Variants in MED27 observed in about 807,000 individuals in gnomAD.
MED27 encodes mediator of RNA polymerase II transcription subunit 27.
A neutral mutation model predicts 38.2 loss-of-function variants in MED27; 30 were observed. The ratio of observed to expected loss-of-function variants is 0.79; its 90% CI spans 0.59 to 1.07. The LOEUF (loss-of-function observed/expected upper bound fraction) is 1.07. MED27 is among the 50% of genes least tolerant of loss of function. The pLI, the probability that MED27 is intolerant of heterozygous loss-of-function variation, is 0.00. For missense variants in MED27, 289 were observed against 397.5 expected (o/e 0.73, Z 2.32); for synonymous variants, 122 against 153.5 (o/e 0.79, Z 1.52).
rs145625709 is a variant in MED27 at position 131,860,863 on chromosome 9, C to T, written c.802-191G>A. Among the ~76,000 whole-genome samples the T allele has an allele frequency of 1.7e-3, 253 of 152,214 alleles. No individual in the cohort carries two copies. Among genetic ancestry groups the T allele is most frequent in the Middle Eastern group, 3.4e-3 (1 of 294 alleles). On this transcript the variant is annotated intron_variant, in intron 7 of 7. Coordinates refer to ENST00000292035, the MANE Select transcript of MED27 (RefSeq NM_004269.4). The surrounding 1 kb of genome is among the most constrained non-coding windows in gnomAD (Gnocchi z 5.8). ...ACTGCTGATGTTCACGTCTGATGCT[C>T]GCGTGCCCCTCCTAACCGAAGGAGT...
At chr9:131,974,701 C>T (rs1831566429) in intron 3 of MED27, among the ~76,000 whole-genome samples, 1 of 152,192 alleles carries the variant, frequency 6.6e-6, no homozygotes, top group Non-Finnish European at 1.5e-5. Context: ...AAATGTGGAA[C>T]ACGGGAGAGA....
chr9:131,918,009 C>T (rs899756171), intron 4 of MED27, among the ~76,000 whole-genome samples: 1 of 152,244 alleles, frequency 6.6e-6, no homozygotes, highest in African/African-American at 2.4e-5. Flanking sequence ...TAATTTCATA[C>T]ATTCAAAATA....
At chr9:132,055,510 C>T (rs1260927949) in intron 2 of MED27, among the ~76,000 whole-genome samples, 3 of 152,146 alleles carry the variant, frequency 2.0e-5, no homozygotes, top group Admixed American at 2.0e-4. Flanking sequence ...TTAATATTTA[C>T]AAGATCAAAC....
In MED27 at chr9:132,079,716, C is replaced by A; in HGVS notation, c.129G>T (p.Glu43Asp). ...DCLKDGMRNK[E>D]TLEGREKAFI... is the part of the protein sequence containing the mutation. Reference sequence around the variant, plus strand: ...AGGCCTTCTCCCGGCCCTCCAGCGTCTCCTTGTTCCGCATCCCATCCTTCA... The same window carrying A: ...AGGCCTTCTCCCGGCCCTCCAGCGTATCCTTGTTCCGCATCCCATCCTTCA... Residue 43 changes from glutamate (E) to aspartate (D), a missense_variant, in exon 1 of 8, where the codon GAG (glutamate) becomes GAT (aspartate). Transcript: ENST00000292035. 1 of 1,613,910 alleles carries A rather than the reference C, an allele frequency of 6.2e-7. No individual in the cohort carries two copies. The highest frequency in any genetic ancestry group is 8.5e-7 in the Non-Finnish European group (1 of 1,179,942).
rs188175796 is a variant in MED27, at chr9:131,869,204, C to T, written c.724-6064G>A. 4.1e-6 allele frequency: 4 copies of T among 985,446 alleles called. No individual in the cohort carries two copies. The East Asian group carries it at 4.5e-4, about 112-fold the overall frequency. 61.0% of individuals were successfully genotyped at this position (985,446 alleles called of 1,614,324 possible). A position where few individuals can be genotyped will look rare whatever the true frequency, so the allele number is the denominator to read the frequency against. On this transcript the variant is annotated intron_variant, in intron 6 of 7. Coordinates refer to ENST00000292035, the MANE Select transcript of MED27 (RefSeq NM_004269.4). Reference sequence around the variant, plus strand: ...CTCGCCATGTTTTCCCTCCTGTCCTCCCCAAGTCCTCCACTGCTGGTTTTG... The same window carrying T: ...CTCGCCATGTTTTCCCTCCTGTCCTTCCCAAGTCCTCCACTGCTGGTTTTG...
At chr9:131,973,141 TTTC>T in intron 3 of MED27, among the ~76,000 whole-genome samples, 1 of 152,354 alleles carries the variant, frequency 6.6e-6, no homozygotes, top group East Asian at 1.9e-4. Context: ...AGTACACTTT[TTTC>T]TTTTCTTTTT....
chr9:131,922,131 C>T (rs1373134210), intron 4 of MED27, among the ~76,000 whole-genome samples: 1 of 151,380 alleles, frequency 6.6e-6, no homozygotes, highest in Non-Finnish European at 1.5e-5. Flanking sequence ...TCTAACAAAC[C>T]TGCACATTGT....
At chr9:131,948,260 G>A (rs1830920848) in intron 3 of MED27, among the ~76,000 whole-genome samples, 2 of 152,126 alleles carry the variant, frequency 1.3e-5, no homozygotes, top group South Asian at 4.1e-4. Flanking sequence ...CAAGGCAGGA[G>A]GATCAGTTGA....
At position 132,051,763 on chromosome 9, in the gene MED27, A is replaced by C. The variant is rs572319674; in HGVS notation, c.348+25679T>G. The stretch of plus-strand genomic sequence containing the variant: ...GTGGCTACCACGTGGGATAATGTGG[A>C]TACAGAACATTTCCATCATCACATA... On this transcript the variant is annotated intron_variant, in intron 2 of 7. Coordinates refer to ENST00000292035, the MANE Select transcript of MED27 (RefSeq NM_004269.4). The surrounding 1 kb of genome is among the most constrained non-coding windows in gnomAD (Gnocchi z 4.2). 1.1e-4 allele frequency among the ~76,000 whole-genome samples: 16 copies of C among 152,338 alleles called. No homozygotes were observed. Among genetic ancestry groups the C allele is most frequent in the African/African-American group, 3.6e-4 (15 of 41,584 alleles).
chr9:132,052,514 TGA>T (rs1282117614), intron 2 of MED27, among the ~76,000 whole-genome samples: 3 of 152,170 alleles, frequency 2.0e-5, no homozygotes, highest in Middle Eastern at 3.2e-3. Flanking sequence ...ACAGGTGCAG[TGA>T]GAGTTTCCAC....
intron 4 of MED27, among the ~76,000 whole-genome samples, chr9:131,930,779 T>A (rs1385381601): frequency 6.6e-6 from 1 of 151,902 alleles, no homozygotes; most frequent in African/African-American, 2.4e-5. Flanking sequence ...TAAACAATGA[T>A]CCAATCAAAA....
chr9:132,022,176 T>C (rs1463209016), intron 2 of MED27, among the ~76,000 whole-genome samples: 2 of 152,176 alleles, frequency 1.3e-5, no homozygotes, highest in African/African-American at 4.8e-5. Flanking sequence ...TGGTGGGCTA[T>C]CTTGTTTGCC....
At chr9:131,868,427 C>T (rs569192807) in intron 6 of MED27, among the ~76,000 whole-genome samples, 35 of 152,234 alleles carry the variant, frequency 2.3e-4, no homozygotes, top group Non-Finnish European at 2.8e-4. Context: ...TATAGGCTCA[C>T]GCCACCCCGC....
intron 3 of MED27, among the ~76,000 whole-genome samples, chr9:131,940,284 C>CT (rs937292982): frequency 6.6e-6 from 1 of 152,162 alleles, no homozygotes; most frequent in Non-Finnish European, 1.5e-5. Context: ...ACAATTTTTA[C>CT]TTAAATCAGT....
At chr9:131,980,406 C>T (rs761238950) in intron 3 of MED27, among the ~76,000 whole-genome samples, 2 of 152,142 alleles carry the variant, frequency 1.3e-5, no homozygotes, top group Non-Finnish European at 2.9e-5. Flanking sequence ...CAGAAGGCTT[C>T]AGTGATTGAG....
intron 6 of MED27, among the ~76,000 whole-genome samples, chr9:131,873,008 A>G (rs531048904): frequency 6.6e-6 from 1 of 152,390 alleles, no homozygotes; most frequent in South Asian, 2.1e-4. Context: ...ACAGGTGCCC[A>G]GGCAGTTCCC....
At chr9:131,984,388 C>T (rs942480040) in intron 3 of MED27, among the ~76,000 whole-genome samples, 2 of 152,144 alleles carry the variant, frequency 1.3e-5, no homozygotes, top group African/African-American at 4.8e-5. Context: ...ATTTAGCAGG[C>T]ACTCAGATGA....
chr9:132,073,470 C>T, intron 2 of MED27: 1 of 1,156,380 alleles, frequency 8.6e-7, no homozygotes, highest in Non-Finnish European at 1.1e-6. Flanking sequence ...GGACATGGTG[C>T]CTCTCCCCTG....
chr9:131,946,035 T>C (rs1420410132), intron 3 of MED27, among the ~76,000 whole-genome samples: 1 of 151,884 alleles, frequency 6.6e-6, no homozygotes, highest in Non-Finnish European at 1.5e-5. Flanking sequence ...TTTTATTTAA[T>C]ATAATGTCCT....
Sources: gnomAD v4.1 joint callset for allele counts (sites outside exome capture counted in the v4.1 genomes callset) on GRCh38, gnomAD v4.1.1 for gene constraint, Gnocchi (gnomAD v3.1) non-coding constraint, MANE v1.5 for transcripts, NCBI Gene and HGNC (gene_info 2026-07-23, HGNC 2026-07-21) for gene names.